Variants in GRID1 observed in about 807,000 individuals in gnomAD.
GRID1 encodes glutamate ionotropic receptor delta type subunit 1.
A neutral mutation model predicts 98.0 loss-of-function variants in GRID1; 28 were observed. The ratio of observed to expected loss-of-function variants is 0.29; its 90% confidence interval spans 0.21 to 0.39. GRID1 has a LOEUF of 0.39. Among genes scored for constraint, GRID1 ranks in the 10% least tolerant of loss-of-function variants. GRID1 has a pLI of 1.00. For missense variants in GRID1, 1,111 were observed against 1,340.5 expected (o/e 0.83, Z 2.67); for synonymous variants, 553 against 538.5 (o/e 1.03, Z -0.37).
chr10:86,187,354 C>T, intron 3 of GRID1, among the ~76,000 whole-genome samples: 1 of 152,222 alleles, frequency 6.6e-6, no homozygotes, highest in East Asian at 1.9e-4. Context: ...CGCCTACAGG[C>T]AACCTGAGAC....
rs78203955 is a variant in GRID1, at chr10:85,674,918, C to T, written c.1998-27521G>A. ...CATGAAGCTCAGAAATTTAGAGTATCGTTCTGCTTAAACTGCTCATATATT... is the reference window on the plus strand; with the variant it reads ...CATGAAGCTCAGAAATTTAGAGTATTGTTCTGCTTAAACTGCTCATATATT... On this transcript the variant is annotated intron_variant, in intron 12 of 15. Transcript: ENST00000327946. Among the ~76,000 whole-genome samples, 467 of 152,244 alleles carry T rather than the reference C, an allele frequency of 3.1e-3. 1 individual carries two copies. Among genetic ancestry groups the T allele is most frequent in the African/African-American group, 0.011 (445 of 41,560 alleles).
At chr10:86,117,972 G>A (rs1269682595) in intron 4 of GRID1, among the ~76,000 whole-genome samples, 9 of 152,192 alleles carry the variant, frequency 5.9e-5, no homozygotes, top group Non-Finnish European at 1.0e-4. Context: ...CAAAGGAAAA[G>A]AAGTCATTAT....
intron 4 of GRID1, among the ~76,000 whole-genome samples, chr10:85,953,002 C>A (rs1260098660): frequency 6.6e-6 from 1 of 152,022 alleles, no homozygotes; most frequent in African/African-American, 2.4e-5. Context: ...ATAGCATTTT[C>A]TTTTCTCTAT....
At chr10:85,706,710 A>T (rs988891222) in intron 12 of GRID1, among the ~76,000 whole-genome samples, 6 of 152,236 alleles carry the variant, frequency 3.9e-5, no homozygotes, top group Admixed American at 6.5e-5. Flanking sequence ...GACTTCAAAC[A>T]ATACTACAAG....
At chr10:85,957,182 G>C (rs969318304) in intron 4 of GRID1, among the ~76,000 whole-genome samples, 9 of 152,266 alleles carry the variant, frequency 5.9e-5, no homozygotes, top group Admixed American at 2.6e-4. Flanking sequence ...TTACAATTCG[G>C]ATTACAATTC....
chr10:85,632,194 C>T (rs1168219479), intron 13 of GRID1, among the ~76,000 whole-genome samples: 1 of 152,198 alleles, frequency 6.6e-6, no homozygotes, highest in Non-Finnish European at 1.5e-5. Flanking sequence ...TGGGGCACAT[C>T]CTGTTTGCCC....
chr10:85,694,154 G>A (rs565555358), intron 12 of GRID1, among the ~76,000 whole-genome samples: 6 of 151,942 alleles, frequency 3.9e-5, no homozygotes, highest in African/African-American at 9.7e-5. Flanking sequence ...ACATACCAAC[G>A]ATCAACAAAC....
At chr10:85,752,923 C>T (rs1014333392) in intron 8 of GRID1, among the ~76,000 whole-genome samples, 3 of 152,264 alleles carry the variant, frequency 2.0e-5, no homozygotes, top group African/African-American at 7.2e-5. Context: ...AATTATAATA[C>T]ATTACAGCTT....
chr10:86,331,927 C>T (rs1485694152), intron 2 of GRID1, among the ~76,000 whole-genome samples: 1 of 152,024 alleles, frequency 6.6e-6, no homozygotes, highest in African/African-American at 2.4e-5. Flanking sequence ...GTATCAGACA[C>T]GGGCCTACTG....
intron 8 of GRID1, among the ~76,000 whole-genome samples, chr10:85,787,171 G>T (rs902618150): frequency 6.6e-6 from 1 of 152,200 alleles, no homozygotes; most frequent in African/African-American, 2.4e-5. Context: ...CATTCATGCA[G>T]TGTGGTGGTG....
chr10:86,279,232 A>G (rs1847319356), intron 2 of GRID1, among the ~76,000 whole-genome samples: 1 of 152,158 alleles, frequency 6.6e-6, no homozygotes, highest in African/African-American at 2.4e-5. Context: ...TCAGTGCTGG[A>G]CCATATTGGT....
chr10:85,659,321 T>C (rs1227837713), intron 12 of GRID1, among the ~76,000 whole-genome samples: 1 of 152,098 alleles, frequency 6.6e-6, no homozygotes, highest in Non-Finnish European at 1.5e-5. Context: ...TGGATGAGGG[T>C]ATGCCATTTG....
At chr10:86,169,954 C>T (rs531117084) in intron 3 of GRID1, among the ~76,000 whole-genome samples, 73 of 152,344 alleles carry the variant, frequency 4.8e-4, no homozygotes, top group Non-Finnish European at 8.7e-4. Context: ...GAGGCCAAGG[C>T]GGGGCAGGAA....
At chr10:85,777,048 C>T (rs999884983) in intron 8 of GRID1, among the ~76,000 whole-genome samples, 5 of 152,202 alleles carry the variant, frequency 3.3e-5, no homozygotes, top group African/African-American at 1.2e-4. Flanking sequence ...TGCATTACTT[C>T]CCAGTGTAAT....
chr10:85,894,102 G>C (rs1429576258), intron 5 of GRID1, among the ~76,000 whole-genome samples: 3 of 152,118 alleles, frequency 2.0e-5, no homozygotes, highest in Non-Finnish European at 2.9e-5. Context: ...GCACTGCTGG[G>C]ACAATAGACA....
intron 10 of GRID1, 99 bp downstream of exon 10, chr10:85,727,756 C>A: frequency 2.4e-6 from 2 of 842,932 alleles, no homozygotes; most frequent in South Asian, 1.5e-5. Context: ...GTCTGTTTAG[C>A]TGGTCCCAAG....
chr10:86,321,667 GTGAGGGTGGCTGGCA>G (rs989584057), intron 2 of GRID1, among the ~76,000 whole-genome samples: 4 of 152,162 alleles, frequency 2.6e-5, no homozygotes, highest in Admixed American at 2.0e-4. Flanking sequence ...CAAATCAAAT[GTGAGGGTGGCTGGCA>G]GGGCCATGAT....
At chr10:86,295,225 C>T (rs1173401635) in intron 2 of GRID1, among the ~76,000 whole-genome samples, 1 of 152,130 alleles carries the variant, frequency 6.6e-6, no homozygotes, top group Non-Finnish European at 1.5e-5. Context: ...GCGCAGGAAT[C>T]TTTAGGGCAG....
intron 13 of GRID1, among the ~76,000 whole-genome samples, chr10:85,628,140 C>G (rs1222673249): frequency 6.6e-6 from 1 of 151,392 alleles, no homozygotes; most frequent in African/African-American, 2.4e-5. Context: ...TGTGTGCATT[C>G]AATAATACAT....
Sources: allele counts gnomAD v4.1 joint callset (sites outside exome capture counted in the v4.1 genomes callset), GRCh38; gene constraint gnomAD v4.1.1; transcripts MANE v1.5; gene names NCBI Gene and HGNC (gene_info 2026-07-23, HGNC 2026-07-21).